FYB1: variants seen among roughly 807,000 people sequenced by gnomAD.
FYB1 encodes the protein FYN binding protein 1, also known as FYN-binding protein 1.
Under a neutral mutation model 94.1 loss-of-function variants are expected in FYB1, and 41 were observed. The ratio of observed to expected loss-of-function variants is 0.44; its 90% CI spans 0.34 to 0.57. The LOEUF is 0.57. Ranked by LOEUF, FYB1 falls within the 20% of genes least tolerant of loss-of-function variation. The pLI, the probability that FYB1 is intolerant of heterozygous loss-of-function variation, is 0.02. For missense variants in FYB1, 1,050 were observed against 976.8 expected, an observed-to-expected ratio of 1.07 and a Z score of -1.00; for synonymous variants, 367 against 353.2, an observed-to-expected ratio of 1.04 and a Z score of -0.44.
Position 39,206,505 on chromosome 5 carries a change from A to G in FYB1, c.-27-3518T>C, listed in dbSNP as rs143693422. 4.8e-3 allele frequency among the ~76,000 whole-genome samples: 732 copies of G among 152,222 alleles called. 7 individuals are homozygous for G. The highest frequency in any genetic ancestry group is 7.5e-3 in the Non-Finnish European group (511 of 68,008). On this transcript the variant is annotated intron_variant, in intron 1 of 18. Coordinates refer to ENST00000512982, the MANE Select transcript of FYB1 (RefSeq NM_001465.6). ...ATCTATTCAATTATCTAGTACTTTTATTTTTACTTAAAAAAGGGTAGGGGT... is the reference window on the plus strand; with the variant it reads ...ATCTATTCAATTATCTAGTACTTTTGTTTTTACTTAAAAAAGGGTAGGGGT...
intron 1 of FYB1, among the ~76,000 whole-genome samples, chr5:39,212,141 A>G (rs759283071): frequency 7.9e-5 from 12 of 152,058 alleles, no homozygotes; most frequent in Non-Finnish European, 1.8e-4. Flanking sequence ...CCTCATTTCT[A>G]CAAAAGAATA....
intron 2 of FYB1, among the ~76,000 whole-genome samples, chr5:39,162,645 A>G (rs370081958): frequency 3.9e-5 from 6 of 152,006 alleles, no homozygotes; most frequent in African/African-American, 1.5e-4. Context: ...AGATGGTGCC[A>G]CTGCACTCCA....
intron 1 of FYB1, among the ~76,000 whole-genome samples, chr5:39,233,579 C>T (rs1750838071): frequency 6.6e-6 from 1 of 152,070 alleles, no homozygotes; most frequent in Non-Finnish European, 1.5e-5. Context: ...TAAATCATTA[C>T]ATATTAACAT....
intron 2 of FYB1, among the ~76,000 whole-genome samples, chr5:39,153,941 A>AT (rs1219551751): frequency 5.3e-5 from 8 of 151,386 alleles, no homozygotes; most frequent in African/African-American, 1.9e-4. Flanking sequence ...GCCCATCTAA[A>AT]TTTTTTTTAA....
At chr5:39,200,868 C>A (rs994119693) in intron 2 of FYB1, among the ~76,000 whole-genome samples, 4 of 152,108 alleles carry the variant, frequency 2.6e-5, no homozygotes, top group African/African-American at 9.7e-5. Context: ...TCTTGTTTCC[C>A]CCTCACAATA....
intron 2 of FYB1, among the ~76,000 whole-genome samples, chr5:39,178,773 A>G (rs570355336): frequency 2.6e-5 from 4 of 152,340 alleles, no homozygotes; most frequent in Admixed American, 1.3e-4. Context: ...CACCTGGGAA[A>G]TTAACATTGT....
rs538508812 is a variant in FYB1, at chr5:39,148,381, G to GTTTTTTTTTTTTTTTTT, written c.1292+5050_1292+5066dup. On this transcript the variant is annotated intron_variant, in intron 3 of 18. Transcript: ENST00000512982. ...GCATTTAGCTTTTAATTATCAGCAG[G>GTTTTTTTTTTTTTTTTT]TTTTTTTTTTTTTTTTTTTTTTTTT... Among the ~76,000 whole-genome samples the GTTTTTTTTTTTTTTTTT allele has an allele frequency of 7.9e-5, 3 of 38,172 alleles. 1 individual carries two copies. The highest frequency in any genetic ancestry group is 2.2e-4 in the African/African-American group (3 of 13,480). 25.0% of individuals were successfully genotyped at this position (38,172 alleles called of 152,430 possible). A position where few individuals can be genotyped will look rare whatever the true frequency, so the allele number is the denominator to read the frequency against.
chr5:39,107,990 C>G (rs958405310), intron 18 of FYB1, among the ~76,000 whole-genome samples: 22 of 151,910 alleles, frequency 1.4e-4, no homozygotes, highest in Non-Finnish European at 2.7e-4. Flanking sequence ...AAAAATTTCC[C>G]AAATATTTTT....
chr5:39,117,792 A>G (rs147573591), intron 16 of FYB1, among the ~76,000 whole-genome samples: 1 of 152,322 alleles, frequency 6.6e-6, no homozygotes, highest in East Asian at 1.9e-4. Context: ...TTCAAATATA[A>G]GACAATGTAA....
chr5:39,164,119 A>G (rs983248306), intron 2 of FYB1, among the ~76,000 whole-genome samples: 14 of 152,150 alleles, frequency 9.2e-5, no homozygotes, highest in Non-Finnish European at 1.8e-4. Flanking sequence ...CCTCAGGGAG[A>G]GAGAGGGGCA....
intron 2 of FYB1, among the ~76,000 whole-genome samples, chr5:39,172,476 T>G (rs771776133): frequency 7.2e-5 from 11 of 152,076 alleles, no homozygotes; most frequent in Admixed American, 3.9e-4. Flanking sequence ...TCAACTTTAA[T>G]TCTAGATTAG....
rs746885510 is a variant in FYB1 at position 39,110,362 on chromosome 5, G to C, written c.2429C>G (p.Ala810Gly). The change falls in exon 17 of 19, where the codon GCG (alanine) becomes GGG (glycine). Residue 810 changes from alanine (A) to glycine (G), a missense_variant. Coordinates refer to ENST00000512982, the MANE Select transcript of FYB1 (RefSeq NM_001465.6). ...KYGYVLRSYL[A>G]DNDGEIYDDI... ...TAGAAGAAAATGGGCTTACTTGTCC[G>C]CTAGGTAACTCCGAAGGACATAACC... 1 of 1,593,276 alleles carries C rather than the reference G, an allele frequency of 6.3e-7. No individual in the cohort carries two copies. Among genetic ancestry groups the C allele is most frequent in the Non-Finnish European group, 8.6e-7 (1 of 1,166,434 alleles).
intron 3 of FYB1, among the ~76,000 whole-genome samples, chr5:39,142,492 T>C (rs769174549): frequency 2.0e-5 from 3 of 152,190 alleles, no homozygotes; most frequent in Non-Finnish European, 4.4e-5. Flanking sequence ...ATCCATTGAT[T>C]ACCCCCTTTC....
chr5:39,202,840 T>G lies in FYB1; in HGVS notation c.121A>C (p.Asn41His). 6.2e-7 allele frequency: 1 copy of G among 1,613,978 alleles called. No individual in the cohort carries two copies. The highest frequency in any genetic ancestry group is 1.3e-5 in the African/African-American group (1 of 75,054). The change falls in exon 2 of 19, where the codon AAC (asparagine) becomes CAC (histidine). Residue 41 changes from asparagine to histidine, a missense_variant. By Grantham distance (68) the Asn-to-His change is moderately conservative. Transcript: ENST00000512982. Reference protein sequence around the residue: ...GIQARKNLFNNQGNASPPAGP... With the variant: ...GIQARKNLFNHQGNASPPAGP... ...GCAGGAGGGCTGGCATTTCCTTGGT[T>G]GTTGAATAAGTTCTTTCTTGCTTGT...
In FYB1 at chr5:39,202,342, C is replaced by T. The variant is rs778016126; in HGVS notation, c.619G>A (p.Glu207Lys). The change falls in exon 2 of 19, where the codon GAG becomes AAG. Residue 207 changes from glutamate (E) to lysine (K), a missense_variant. Physicochemically the swap from Glu to Lys is moderately conservative, Grantham distance 56 (BLOSUM62 1). Coordinates refer to ENST00000512982, the MANE Select transcript of FYB1 (RefSeq NM_001465.6). ...GGGCTTTCGTCTTCATGGGAGTTCT[C>T]GGTACTTAGGGGCGGCTTCTGGCCA... is the stretch of plus-strand genomic sequence containing the variant. Reference protein sequence around the residue: ...AFGQKPPLSTENSHEDESPMK... With the variant: ...AFGQKPPLSTKNSHEDESPMK... The T allele has an allele frequency of 5.9e-5, 95 of 1,613,834 alleles. No individual in the cohort carries two copies. The highest frequency in any genetic ancestry group is 1.7e-4 in the Middle Eastern group (1 of 6,058).
chr5:39,259,559 T>G (rs1260944564), intron 1 of FYB1, among the ~76,000 whole-genome samples: 1 of 152,112 alleles, frequency 6.6e-6, no homozygotes, highest in Non-Finnish European at 1.5e-5. Context: ...GTCTACAACA[T>G]GAAATTCCAT....
At chr5:39,244,003 C>T (rs529727555) in intron 1 of FYB1, among the ~76,000 whole-genome samples, 155 of 152,282 alleles carry the variant, frequency 1.0e-3, no homozygotes, top group Non-Finnish European at 1.6e-3. Context: ...TATCCTGAGA[C>T]TTTGCTGAAG....
intron 1 of FYB1, among the ~76,000 whole-genome samples, chr5:39,262,349 T>C (rs1047857085): frequency 3.3e-5 from 5 of 152,152 alleles, no homozygotes; most frequent in African/African-American, 4.8e-5. Flanking sequence ...AGAGATAATT[T>C]ACAGAAGAGT....
chr5:39,222,321 T>G (rs1235984819), upstream of FYB1, among the ~76,000 whole-genome samples: 1 of 152,176 alleles, frequency 6.6e-6, no homozygotes, highest in Middle Eastern at 3.2e-3. Flanking sequence ...TTGTCCTGGA[T>G]TTCCAGCTTG....
Sources: gnomAD v4.1 joint callset for allele counts (sites outside exome capture counted in the v4.1 genomes callset) on GRCh38, gnomAD v4.1.1 for gene constraint, MANE v1.5 for transcripts, NCBI Gene and HGNC (gene_info 2026-07-23, HGNC 2026-07-21) for gene names.